Variants in TBC1D5 observed in about 807,000 individuals in gnomAD.
The protein encoded by TBC1D5 is TBC1 domain family, member 5.
In TBC1D5, 75 loss-of-function variants were observed where a neutral mutation model predicts 100.3. That is an observed-to-expected ratio of 0.75 (90% CI 0.62 to 0.91). The LOEUF (loss-of-function observed/expected upper bound fraction) is 0.91. TBC1D5 is among the 40% of genes least tolerant of loss of function. TBC1D5 has a pLI of 0.00. For missense variants in TBC1D5, 910 were observed against 942.4 expected (o/e 0.97, Z 0.45); for synonymous variants, 323 against 325.6 (o/e 0.99, Z 0.09).
intron 15 of TBC1D5, among the ~76,000 whole-genome samples, chr3:17,268,932 A>G (rs1054906548): frequency 1.3e-5 from 2 of 152,068 alleles, no homozygotes; most frequent in African/African-American, 2.4e-5. Context: ...TACTGAATGA[A>G]TATGTTCGGG....
At chr3:17,629,313 T>C (rs1004530539) in intron 1 of TBC1D5, among the ~76,000 whole-genome samples, 1 of 152,220 alleles carries the variant, frequency 6.6e-6, no homozygotes, top group African/African-American at 2.4e-5. Flanking sequence ...TTGATTAATG[T>C]AGTATAATCT....
intron 3 of TBC1D5, among the ~76,000 whole-genome samples, chr3:17,460,759 G>A (rs562947113): frequency 4.0e-5 from 6 of 149,132 alleles, no homozygotes; most frequent in South Asian, 2.1e-4. Flanking sequence ...GGGTTATGAC[G>A]GTTAAAAAAA....
chr3:17,161,165 C>G, exon 22 of TBC1D5: 1 of 1,614,204 alleles, frequency 6.2e-7, no homozygotes, highest in Non-Finnish European at 8.5e-7. Flanking sequence ...GGAGAAGGAG[C>G]CCCTGGCACT....
intron 2 of TBC1D5, among the ~76,000 whole-genome samples, chr3:17,535,912 A>G (rs536925592): frequency 5.9e-5 from 9 of 152,336 alleles, no homozygotes; most frequent in African/African-American, 2.2e-4. Context: ...ATAAATTTTT[A>G]AACTACGTAA....
intron 2 of TBC1D5, among the ~76,000 whole-genome samples, chr3:17,573,912 G>C (rs1467285884): frequency 6.6e-6 from 1 of 151,884 alleles, no homozygotes; most frequent in Non-Finnish European, 1.5e-5. Context: ...CTATTGGAAA[G>C]AATCATATTT....
intron 2 of TBC1D5, among the ~76,000 whole-genome samples, chr3:17,564,410 C>G (rs1404786187): frequency 2.0e-5 from 3 of 151,950 alleles, no homozygotes; most frequent in African/African-American, 7.3e-5. Context: ...ACATTGGAGG[C>G]AAAAATATAA....
At position 17,238,436 on chromosome 3, in the gene TBC1D5, T is replaced by C. The variant is rs775163138; in HGVS notation, c.1332-17A>G. ...GCATTGGTCCTGTTAAAAAAAGAAA[T>C]GGAGAAGCATTATTTACATTAGAGG... is the stretch of plus-strand genomic sequence containing the variant. On this transcript the variant is annotated splice_polypyrimidine_tract_variant and intron_variant, in intron 16 of 21. Transcript: ENST00000253692. 1.9e-6 allele frequency: 3 copies of C among 1,600,754 alleles called. No homozygotes were observed. The highest frequency in any genetic ancestry group is 2.6e-6 in the Non-Finnish European group (3 of 1,172,680).
At chr3:17,600,273 C>A (rs752703342) in intron 2 of TBC1D5, among the ~76,000 whole-genome samples, 1 of 152,056 alleles carries the variant, frequency 6.6e-6, no homozygotes, top group Non-Finnish European at 1.5e-5. Context: ...TGTATATAAA[C>A]CAACTGAATT....
intron 13 of TBC1D5, among the ~76,000 whole-genome samples, chr3:17,361,481 G>A (rs1022453857): frequency 1.1e-4 from 17 of 152,026 alleles, no homozygotes; most frequent in African/African-American, 2.9e-4. Context: ...ATCATTTCAC[G>A]TGCACAAGAA....
At chr3:17,617,876 C>T (rs961556591) in intron 2 of TBC1D5, among the ~76,000 whole-genome samples, 2 of 152,148 alleles carry the variant, frequency 1.3e-5, no homozygotes, top group Non-Finnish European at 2.9e-5. Context: ...TTTGTTATTA[C>T]TGACCTTCTG....
chr3:17,234,608 T>C (rs1275264645), intron 17 of TBC1D5, among the ~76,000 whole-genome samples: 1 of 152,084 alleles, frequency 6.6e-6, no homozygotes, highest in East Asian at 1.9e-4. Context: ...ACAGAATCAT[T>C]CTCTGGATAT....
chr3:17,312,366 A>G lies in TBC1D5; in HGVS notation c.996-4232T>C, dbSNP rs757871133. ...TGGTAAATTTTTTATCTAATCAACT[A>G]TTTCAATTAGGTCTTTAAAAACTAT... is the stretch of plus-strand genomic sequence containing the variant. On this transcript the variant is annotated intron_variant, in intron 13 of 21. Transcript: ENST00000253692. Among the ~76,000 whole-genome samples the G allele has an allele frequency of 2.6e-5, 4 of 152,136 alleles. No individual in the cohort carries two copies. The East Asian group carries it at 7.7e-4, about 29-fold the overall frequency.
At chr3:17,701,437 G>T (rs1223009325) in intron 1 of TBC1D5, among the ~76,000 whole-genome samples, 1 of 151,932 alleles carries the variant, frequency 6.6e-6, no homozygotes, top group Non-Finnish European at 1.5e-5. Flanking sequence ...TATCAAACCT[G>T]CACATTCTGC....
chr3:17,618,724 T>C (rs2062399564), intron 2 of TBC1D5, among the ~76,000 whole-genome samples: 1 of 152,210 alleles, frequency 6.6e-6, no homozygotes, highest in Non-Finnish European at 1.5e-5. Flanking sequence ...TGGGAGAGAA[T>C]CTCCTGGTCT....
At chr3:17,688,585 C>T (rs200324990) in intron 1 of TBC1D5, among the ~76,000 whole-genome samples, 6 of 152,146 alleles carry the variant, frequency 3.9e-5, no homozygotes, top group African/African-American at 1.4e-4. Flanking sequence ...CTTTACCAAC[C>T]GGGGCAAAAC....
chr3:17,347,269 T>C (rs2090016938), intron 13 of TBC1D5, among the ~76,000 whole-genome samples: 1 of 152,204 alleles, frequency 6.6e-6, no homozygotes, highest in African/African-American at 2.4e-5. Context: ...AGTGATGCTA[T>C]GAGGGCATCT....
chr3:17,321,194 A>C (rs967035545), intron 13 of TBC1D5, among the ~76,000 whole-genome samples: 6 of 152,180 alleles, frequency 3.9e-5, no homozygotes, highest in Non-Finnish European at 5.9e-5. Context: ...CAGGCTCCTG[A>C]GTAGCTGGGA....
chr3:17,198,990 T>C (rs920231783), intron 18 of TBC1D5, among the ~76,000 whole-genome samples: 9 of 152,226 alleles, frequency 5.9e-5, no homozygotes, highest in Non-Finnish European at 8.8e-5. Context: ...TCAGTGTGAA[T>C]TGCATTTTCC....
chr3:17,543,077 G>A (rs1437213799), intron 2 of TBC1D5, among the ~76,000 whole-genome samples: 1 of 151,882 alleles, frequency 6.6e-6, no homozygotes, highest in Middle Eastern at 3.2e-3. Context: ...AATTACTGTA[G>A]ATATATATGG....
Sources: gnomAD v4.1 joint callset for allele counts (sites outside exome capture counted in the v4.1 genomes callset) on GRCh38, gnomAD v4.1.1 for gene constraint, MANE v1.5 for transcripts, NCBI Gene and HGNC (gene_info 2026-07-23, HGNC 2026-07-21) for gene names.